Variants in MGA observed in about 807,000 individuals in gnomAD.
MGA encodes the protein MAX gene-associated protein.
MGA carries 40 observed loss-of-function variants against 261.1 expected under a neutral mutation model. The observed-to-expected ratio is 0.15, with a 90% CI of 0.12 to 0.20. The LOEUF (loss-of-function observed/expected upper bound fraction) is 0.20. Ranked by LOEUF, MGA falls within the 10% of genes least tolerant of loss-of-function variation. MGA has a pLI of 1.00. For missense variants in MGA, 3,397 were observed against 3,630.5 expected (o/e 0.94, Z 1.65); for synonymous variants, 1,302 against 1,290.6 (o/e 1.01, Z -0.19).
chr15:41,762,633 G>GT (rs368188725), intron 22 of MGA, among the ~76,000 whole-genome samples: 50 of 151,470 alleles, frequency 3.3e-4, no homozygotes, highest in African/African-American at 5.6e-4. Context: ...TGCCCAATTT[G>GT]TTTTTTTAAT....
chr15:41,666,837 T>C (rs1256428743), intron 1 of MGA, among the ~76,000 whole-genome samples: 1 of 152,258 alleles, frequency 6.6e-6, no homozygotes, highest in Non-Finnish European at 1.5e-5. Flanking sequence ...ATAGATATCA[T>C]TTATCACAGG....
intron 8 of MGA, 141 bp downstream of exon 8, chr15:41,711,490 A>C (rs145620947): frequency 2.1e-5 from 17 of 815,618 alleles, no homozygotes; most frequent in Non-Finnish European, 3.7e-6. Flanking sequence ...AACTAAGGCT[A>C]TGTCTTCCCC....
chr15:41,696,659 A>G lies in MGA; in HGVS notation c.1649A>G (p.Gln550Arg), dbSNP rs1289740632. ...AAATATCCCTTACTGAAAGAGCCTC[A>G]GTGGAAATATCCTGATATATCTGAC... The change falls in exon 3 of 24, where the codon CAG becomes CGG. Residue 550 changes from glutamine (Q) to arginine (R), a missense_variant. Coordinates refer to ENST00000219905, the MANE Select transcript of MGA (RefSeq NM_001164273.2). The G allele has an allele frequency of 9.3e-6, 15 of 1,612,998 alleles. No homozygotes were observed. Among genetic ancestry groups the G allele is most frequent in the Non-Finnish European group, 1.2e-5 (14 of 1,179,470 alleles).
In MGA at chr15:41,748,755, C is replaced by T; in HGVS notation, c.5331C>T (p.Val1777=). ...AGGGTTCTCCTACTCTTAGACCTGTCTCAAACACACAACTTCAGGGACATC... is the reference window on the plus strand; with the variant it reads ...AGGGTTCTCCTACTCTTAGACCTGTTTCAAACACACAACTTCAGGGACATC... The change falls in exon 16 of 24, where the codon GTC becomes GTT. Residue 1777 remains valine (V), a synonymous_variant. Coordinates refer to ENST00000219905, the MANE Select transcript of MGA (RefSeq NM_001164273.2). 1 of 1,613,908 alleles carries T rather than the reference C, an allele frequency of 6.2e-7. No individual in the cohort carries two copies.
intron 17 of MGA, 163 bp downstream of exon 17, chr15:41,750,778 T>A: frequency 1.6e-6 from 1 of 619,082 alleles, no homozygotes; most frequent in Non-Finnish European, 2.7e-6. Flanking sequence ...GCTGTGTCAA[T>A]CAAGCATCAT....
intron 7 of MGA, among the ~76,000 whole-genome samples, chr15:41,710,309 T>A (rs1359399484): frequency 6.6e-6 from 1 of 152,242 alleles, no homozygotes; most frequent in East Asian, 1.9e-4. Context: ...ATGTTTTTAG[T>A]GCCCAAGACT....
chr15:41,717,568 C>G (rs2060708152), intron 9 of MGA, among the ~76,000 whole-genome samples: 1 of 152,144 alleles, frequency 6.6e-6, no homozygotes, highest in Non-Finnish European at 1.5e-5. Context: ...CTACAAAACT[C>G]ACTCAAGAAG....
intron 5 of MGA, among the ~76,000 whole-genome samples, chr15:41,700,208 C>A (rs982839063): frequency 6.6e-6 from 1 of 151,720 alleles, no homozygotes; most frequent in African/African-American, 2.4e-5. Flanking sequence ...CCATGCCCGG[C>A]TAATTTTTTT....
At chr15:41,670,197 T>G (rs146735157) in intron 2 of MGA, among the ~76,000 whole-genome samples, 88 of 152,312 alleles carry the variant, frequency 5.8e-4, no homozygotes, top group African/African-American at 2.0e-3. Context: ...ATTATTCATA[T>G]GTATTTAGAA....
intron 5 of MGA, among the ~76,000 whole-genome samples, 155 bp from the exon 6 acceptor site, chr15:41,707,573 C>A (rs76853125): frequency 7.2e-4 from 109 of 152,224 alleles, no homozygotes; most frequent in African/African-American, 2.6e-3. Context: ...GAATCTGCTA[C>A]AGTTTGTTTT....
intron 11 of MGA, among the ~76,000 whole-genome samples, chr15:41,732,137 C>T (rs1345476679): frequency 6.6e-6 from 1 of 151,752 alleles, no homozygotes; most frequent in Non-Finnish European, 1.5e-5. Context: ...CCCCTAAAAT[C>T]CATTTTGTTA....
chr15:41,702,736 T>C (rs950917657), intron 5 of MGA, among the ~76,000 whole-genome samples: 1 of 152,248 alleles, frequency 6.6e-6, no homozygotes, highest in Admixed American at 6.5e-5. Flanking sequence ...TTGCTATATT[T>C]ACTGTATCTA....
chr15:41,739,975 A>G (rs1314652583), intron 13 of MGA: 3 of 1,613,444 alleles, frequency 1.9e-6, no homozygotes, highest in East Asian at 2.2e-5. Flanking sequence ...TCCAGCCAAT[A>G]GGCTAGCTGC....
chr15:41,660,746 C>T (rs912531082), intron 1 of MGA, among the ~76,000 whole-genome samples: 7 of 152,200 alleles, frequency 4.6e-5, no homozygotes, highest in Non-Finnish European at 8.8e-5. Flanking sequence ...TCCCCGGCCT[C>T]ACTTCCGCGT....
intron 19 of MGA, among the ~76,000 whole-genome samples, chr15:41,759,462 G>GT (rs1344893350): frequency 5.1e-5 from 6 of 118,284 alleles, no homozygotes; most frequent in South Asian, 2.9e-4. Context: ...GTGTGTGTGT[G>GT]TATTTTTTTT....
chr15:41,671,347 G>A (rs750986883), intron 2 of MGA, among the ~76,000 whole-genome samples: 3 of 151,766 alleles, frequency 2.0e-5, no homozygotes, highest in Non-Finnish European at 2.9e-5. Flanking sequence ...TTTTTGAGAC[G>A]AAGTCTCACC....
chr15:41,714,617 C>T (rs2060537906), intron 9 of MGA, among the ~76,000 whole-genome samples: 1 of 152,124 alleles, frequency 6.6e-6, no homozygotes, highest in African/African-American at 2.4e-5. Flanking sequence ...GATTTTCCTG[C>T]CCCAGCCTCC....
At chr15:41,687,508 T>C (rs1401902372) in intron 2 of MGA, among the ~76,000 whole-genome samples, 1 of 152,154 alleles carries the variant, frequency 6.6e-6, no homozygotes, top group Non-Finnish European at 1.5e-5. Context: ...TTTAGCCCTT[T>C]ACAGAAAAAA....
rs376534486 is a variant in MGA, at chr15:41,764,951, T to A, written c.7810T>A (p.Leu2604Met). 6.2e-7 allele frequency: 1 copy of A among 1,614,026 alleles called. No homozygotes were observed. The change falls in exon 23 of 24, where the codon TTG becomes ATG. Residue 2604 changes from leucine to methionine, a missense_variant. By Grantham distance (15) the Leu-to-Met change is conservative (BLOSUM62 2). This residue lies in a region of MGA where 647 missense variants were observed against 642.4 expected (regional missense o/e 1.01). Coordinates refer to ENST00000219905, the MANE Select transcript of MGA (RefSeq NM_001164273.2). ...CCTTGTGATGACTCCGCAAGGGCAA[T>A]TGCTCACCCTAAAAGGTCCCCTATT...
Sources: gnomAD v4.1 joint callset for allele counts (sites outside exome capture counted in the v4.1 genomes callset) on GRCh38, gnomAD v4.1.1 for gene constraint, gnomAD v4.1.1 regional missense constraint, MANE v1.5 for transcripts, NCBI Gene and HGNC (gene_info 2026-07-23, HGNC 2026-07-21) for gene names.